The following RAB7A variants were observed in gnomAD, a reference collection of about 807,000 sequenced individuals.
RAB7A encodes the protein ras-related protein Rab-7a.
RAB7A carries 2 observed loss-of-function variants against 24.5 expected under a neutral mutation model. The ratio of observed to expected loss-of-function variants is 0.08; its 90% confidence interval spans 0.03 to 0.26. The LOEUF is 0.26. RAB7A is among the 10% of genes least tolerant of loss of function. RAB7A has a pLI of 1.00. For synonymous variants in RAB7A, 100 were observed against 95.9 expected (o/e 1.04, Z -0.25); for missense variants, 118 against 255.7 (o/e 0.46, Z 3.67).
intron 1 of RAB7A, among the ~76,000 whole-genome samples, chr3:128,768,132 G>T (rs1322222476): frequency 6.6e-6 from 1 of 152,048 alleles, no homozygotes; most frequent in African/African-American, 2.4e-5. Flanking sequence ...TTTCTAGTTC[G>T]CATTTTCTGG....
chr3:128,778,494 G>A (rs1327467869), intron 1 of RAB7A, among the ~76,000 whole-genome samples: 1 of 152,176 alleles, frequency 6.6e-6, no homozygotes, highest in Non-Finnish European at 1.5e-5. Flanking sequence ...TCAGGGATTG[G>A]CATCATAGTG....
At chr3:128,756,878 C>G (rs114026397) in intron 1 of RAB7A, among the ~76,000 whole-genome samples, 3,701 of 148,886 alleles carry the variant, frequency 0.025, 74 homozygotes, top group Non-Finnish European at 0.041. Flanking sequence ...GAGTTGCGCT[C>G]TGTCACCCAC....
intron 3 of RAB7A, among the ~76,000 whole-genome samples, chr3:128,798,597 C>T (rs1016937584): frequency 2.0e-5 from 3 of 152,074 alleles, no homozygotes; most frequent in African/African-American, 7.2e-5. Flanking sequence ...GATACAGATT[C>T]TTTCATATGA....
chr3:128,791,287 C>T (rs1006477503), intron 1 of RAB7A, among the ~76,000 whole-genome samples: 6 of 152,062 alleles, frequency 3.9e-5, no homozygotes, highest in African/African-American at 1.4e-4. Flanking sequence ...GATTAGTTGC[C>T]CACCACCACG....
intron 1 of RAB7A, among the ~76,000 whole-genome samples, chr3:128,732,252 A>T (rs1477300680): frequency 4.0e-5 from 6 of 151,762 alleles, no homozygotes; most frequent in Admixed American, 3.3e-4. Context: ...GTTGGCCAGG[A>T]TGGTCTCAAT....
chr3:128,764,344 G>T (rs1187659299), intron 1 of RAB7A: 3 of 596,470 alleles, frequency 5.0e-6, no homozygotes, highest in Non-Finnish European at 9.0e-6. Flanking sequence ...GGTACAAATC[G>T]AAGAACTTAA....
intron 1 of RAB7A, among the ~76,000 whole-genome samples, chr3:128,777,101 T>C (rs1023807275): frequency 6.6e-6 from 1 of 152,242 alleles, no homozygotes; most frequent in African/African-American, 2.4e-5. Context: ...GTTCCTTATA[T>C]GTTTAGGGTA....
At chr3:128,737,825 G>GTTTTTTTTTTTTTTTTTTTT (rs56027163) in intron 1 of RAB7A, among the ~76,000 whole-genome samples, 2 of 59,492 alleles carry the variant, frequency 3.4e-5, no homozygotes, top group African/African-American at 1.3e-4. Flanking sequence ...TTTTTTTGTA[G>GTTTTTTTTTTTTTTTTTTTT]TTTTTTTTTT....
chr3:128,739,467 C>G (rs182284191), intron 1 of RAB7A, among the ~76,000 whole-genome samples: 2 of 150,308 alleles, frequency 1.3e-5, no homozygotes. Context: ...GAGCCAAGAT[C>G]GCGCCACTGC....
intron 1 of RAB7A, among the ~76,000 whole-genome samples, chr3:128,777,658 A>C (rs1023869374): frequency 2.0e-5 from 3 of 152,246 alleles, no homozygotes; most frequent in Non-Finnish European, 4.4e-5. Flanking sequence ...AAAAATTTGC[A>C]TTGAAGTTTT....
chr3:128,812,985 C>T (rs1269674363), intron 5 of RAB7A, among the ~76,000 whole-genome samples: 1 of 152,206 alleles, frequency 6.6e-6, no homozygotes, highest in Non-Finnish European at 1.5e-5. Flanking sequence ...CAGAAAGCAT[C>T]TGAACTGGAT....
rs1296475280 is a variant in RAB7A, at chr3:128,770,730, G to C, written c.-8-24630G>C. 2.0e-5 allele frequency among the ~76,000 whole-genome samples: 3 copies of C among 152,190 alleles called. No homozygotes were observed. The East Asian group carries it at 5.8e-4, about 29-fold the overall frequency. The stretch of plus-strand genomic sequence containing the variant: ...TGTGACTTATAGTTTCGTTCTTTCT[G>C]CTGTCAAATGAATATATAAAGAAAA... On this transcript the variant is annotated intron_variant, in intron 1 of 5. Coordinates refer to ENST00000265062, the MANE Select transcript of RAB7A (RefSeq NM_004637.6).
At chr3:128,774,451 G>C (rs1016693702) in intron 1 of RAB7A, among the ~76,000 whole-genome samples, 3 of 151,878 alleles carry the variant, frequency 2.0e-5, no homozygotes, top group African/African-American at 4.8e-5. Flanking sequence ...GAACTGAAAG[G>C]CTCTTGGATC....
chr3:128,791,406 G>A (rs1933449818), intron 1 of RAB7A, among the ~76,000 whole-genome samples: 1 of 152,174 alleles, frequency 6.6e-6, no homozygotes, highest in African/African-American at 2.4e-5. Flanking sequence ...CTCCCAAAGT[G>A]CTGGGATTAT....
intron 1 of RAB7A, among the ~76,000 whole-genome samples, chr3:128,746,824 C>T (rs762467117): frequency 6.6e-5 from 10 of 151,506 alleles, no homozygotes; most frequent in South Asian, 2.1e-4. Flanking sequence ...CCACCCGGCC[C>T]GGCCGGGGTT....
At chr3:128,792,082 A>G (rs1415143458) in intron 1 of RAB7A, among the ~76,000 whole-genome samples, 2 of 152,222 alleles carry the variant, frequency 1.3e-5, no homozygotes, top group African/African-American at 4.8e-5. Flanking sequence ...AAGAGCGGGA[A>G]TGGCTATTTA....
At chr3:128,735,267 A>C (rs1055732402) in intron 1 of RAB7A, among the ~76,000 whole-genome samples, 1 of 152,224 alleles carries the variant, frequency 6.6e-6, no homozygotes, top group South Asian at 2.1e-4. Context: ...TTATAGTTGG[A>C]AAGAATGGCA....
chr3:128,774,091 AAAAAG>A (rs1288273570), intron 1 of RAB7A, among the ~76,000 whole-genome samples: 1 of 151,046 alleles, frequency 6.6e-6, no homozygotes, highest in Non-Finnish European at 1.5e-5. Context: ...AAAAAAAAAA[AAAAAG>A]AAAAAAAATT....
chr3:128,760,403 C>T (rs987752722), intron 1 of RAB7A, among the ~76,000 whole-genome samples: 2 of 152,144 alleles, frequency 1.3e-5, no homozygotes, highest in East Asian at 3.9e-4. Context: ...TCTATTGGTT[C>T]TGTTTATCTC....
Sources: allele counts gnomAD v4.1 joint callset (sites outside exome capture counted in the v4.1 genomes callset), GRCh38; gene constraint gnomAD v4.1.1; transcripts MANE v1.5; gene names NCBI Gene and HGNC (gene_info 2026-07-23, HGNC 2026-07-21).